The following NBEA variants were observed in gnomAD, a reference collection of about 807,000 sequenced individuals.
NBEA encodes lysosomal-trafficking regulator 2.
NBEA carries 44 observed loss-of-function variants against 343.4 expected under a neutral mutation model. That is an observed-to-expected ratio of 0.13 (90% CI 0.10 to 0.16). The LOEUF is 0.16. NBEA is among the 10% of genes least tolerant of loss of function. The probability of loss-of-function intolerance (pLI) is 1.00; values close to 1 mark genes in which losing one functional copy is unlikely to be tolerated. For missense variants in NBEA, 2,555 were observed against 3,631.3 expected (o/e 0.70, Z 7.62); for synonymous variants, 1,175 against 1,238.7 (o/e 0.95, Z 1.08).
chr13:35,048,370 A>G (rs1593581339), intron 4 of NBEA, among the ~76,000 whole-genome samples, 193 bp from the exon 5 acceptor site: 2 of 152,010 alleles, frequency 1.3e-5, no homozygotes, highest in Non-Finnish European at 2.9e-5. Flanking sequence ...GAATGTTTCT[A>G]TAATCAACAA....
At chr13:35,559,231 G>A (rs73498946) in intron 44 of NBEA, among the ~76,000 whole-genome samples, 24,421 of 152,044 alleles carry the variant, frequency 0.16, 2,384 homozygotes, top group East Asian at 0.35. Flanking sequence ...GGTGGACAGT[G>A]TGTATCCATT....
chr13:35,007,710 C>T (rs2061363804), intron 1 of NBEA, among the ~76,000 whole-genome samples: 1 of 152,114 alleles, frequency 6.6e-6, no homozygotes, highest in Non-Finnish European at 1.5e-5. Context: ...CCAGGCTGGT[C>T]TGGAACTGCT....
chr13:35,179,234 C>G (rs1478810239), intron 28 of NBEA, among the ~76,000 whole-genome samples: 1 of 151,434 alleles, frequency 6.6e-6, no homozygotes, highest in African/African-American at 2.4e-5. Context: ...TTTTTCTTAA[C>G]CCTTAACTGG....
chr13:35,375,658 A>G (rs531979769), intron 38 of NBEA, among the ~76,000 whole-genome samples: 4 of 152,292 alleles, frequency 2.6e-5, no homozygotes, highest in African/African-American at 9.6e-5. Flanking sequence ...GCAAAAATCC[A>G]GCAAGGTGAC....
chr13:35,665,023 T>C, intron 55 of NBEA, 62 bp from the exon 56 acceptor site: 1 of 1,089,854 alleles, frequency 9.2e-7, no homozygotes, highest in East Asian at 2.6e-5. Context: ...ATTGCATTGC[T>C]GGTGTAGCTC....
At chr13:35,595,364 A>T (rs1052133122) in intron 47 of NBEA, among the ~76,000 whole-genome samples, 2 of 151,994 alleles carry the variant, frequency 1.3e-5, no homozygotes, top group African/African-American at 4.8e-5. Flanking sequence ...CAAAGACTTA[A>T]TTAGTTCATA....
intron 41 of NBEA, among the ~76,000 whole-genome samples, chr13:35,516,882 ACAAGCAAATTCAGAGATGTC>A (rs2077504532): frequency 6.6e-6 from 1 of 152,206 alleles, no homozygotes; most frequent in Non-Finnish European, 1.5e-5. Context: ...TTTACAAAGG[ACAAGCAAATTCAGAGATGTC>A]CAGTTATTTC....
chr13:35,357,083 A>G (rs1021552584), intron 38 of NBEA, among the ~76,000 whole-genome samples: 1 of 152,152 alleles, frequency 6.6e-6, no homozygotes, highest in African/African-American at 2.4e-5. Flanking sequence ...GCATATAATA[A>G]TTGTTCAACA....
intron 36 of NBEA, among the ~76,000 whole-genome samples, chr13:35,311,633 C>T (rs1717993906): frequency 6.6e-6 from 1 of 152,130 alleles, no homozygotes; most frequent in African/African-American, 2.4e-5. Flanking sequence ...TTGGGTGGAT[C>T]ACCTGAGGTC....
At chr13:35,230,069 A>G (rs1381741443) in intron 33 of NBEA, among the ~76,000 whole-genome samples, 1 of 152,124 alleles carries the variant, frequency 6.6e-6, no homozygotes, top group Non-Finnish European at 1.5e-5. Context: ...TTGCAGGATG[A>G]TACGTAAGAG....
At chr13:35,253,132 A>G (rs1031887537) in intron 34 of NBEA, among the ~76,000 whole-genome samples, 2 of 152,222 alleles carry the variant, frequency 1.3e-5, no homozygotes, top group African/African-American at 4.8e-5. Context: ...AAATGTGTGT[A>G]AACTGCTGTC....
At chr13:35,595,582 A>G (rs1300427315) in intron 47 of NBEA, among the ~76,000 whole-genome samples, 1 of 152,094 alleles carries the variant, frequency 6.6e-6, no homozygotes, top group African/African-American at 2.4e-5. Context: ...TTTCTCCCTG[A>G]TTGTTACTAT....
chr13:35,021,743 T>A, intron 1 of NBEA, among the ~76,000 whole-genome samples: 1 of 152,288 alleles, frequency 6.6e-6, no homozygotes, highest in Admixed American at 6.5e-5. Context: ...CTTATAAAAG[T>A]ACACATATAT....
intron 41 of NBEA, among the ~76,000 whole-genome samples, chr13:35,494,767 T>A (rs2152975958): frequency 6.6e-6 from 1 of 152,090 alleles, no homozygotes; most frequent in Non-Finnish European, 1.5e-5. Flanking sequence ...TTCAGCTCTT[T>A]GAGAGGCTGG....
intron 41 of NBEA, among the ~76,000 whole-genome samples, chr13:35,480,117 A>G (rs1460678457): frequency 6.6e-6 from 1 of 150,888 alleles, no homozygotes; most frequent in African/African-American, 2.4e-5. Flanking sequence ...TGTTAGTAGT[A>G]TTAGTGAATA....
intron 34 of NBEA, among the ~76,000 whole-genome samples, chr13:35,275,641 C>T (rs561563701): frequency 1.3e-5 from 2 of 152,278 alleles, no homozygotes; most frequent in South Asian, 4.1e-4. Context: ...CTACAAAGAA[C>T]TTAAACAAAT....
rs775295899 is a variant in NBEA at position 35,593,314 on chromosome 13, G to C, written c.7177-14G>C. ...TTAGAGTGGTCAAATTTCTGATTCTGTTTTTTTGCTTAGGAACCTTTCACA... is the reference window on the plus strand; with the variant it reads ...TTAGAGTGGTCAAATTTCTGATTCTCTTTTTTTGCTTAGGAACCTTTCACA... On this transcript the variant is annotated splice_polypyrimidine_tract_variant and intron_variant, in intron 46 of 58. Coordinates refer to ENST00000379939, the MANE Select transcript of NBEA (RefSeq NM_001385012.1). 1 of 1,610,564 alleles carries C rather than the reference G, an allele frequency of 6.2e-7. No individual in the cohort carries two copies. The highest frequency in any genetic ancestry group is 8.5e-7 in the Non-Finnish European group (1 of 1,178,116).
chr13:35,307,105 A>G (rs1385755623), intron 35 of NBEA, among the ~76,000 whole-genome samples: 1 of 152,012 alleles, frequency 6.6e-6, no homozygotes, highest in Non-Finnish European at 1.5e-5. Context: ...TACATTGAAA[A>G]CTTAATAATT....
At chr13:35,503,186 T>G in intron 41 of NBEA, among the ~76,000 whole-genome samples, 1 of 151,750 alleles carries the variant, frequency 6.6e-6, no homozygotes, top group East Asian at 1.9e-4. Flanking sequence ...TACTCATTGG[T>G]TTTTTCTAAT....
Sources: allele counts gnomAD v4.1 joint callset (sites outside exome capture counted in the v4.1 genomes callset), GRCh38; gene constraint gnomAD v4.1.1; transcripts MANE v1.5; gene names NCBI Gene and HGNC (gene_info 2026-07-23, HGNC 2026-07-21).